NTNG1: variants seen among roughly 807,000 people sequenced by gnomAD.
The protein encoded by NTNG1 is netrin-G1.
In NTNG1, 16 loss-of-function variants were observed where a neutral mutation model predicts 54.0. The ratio of observed to expected loss-of-function variants is 0.30; its 90% CI spans 0.20 to 0.45. The LOEUF is 0.45. Ranked by LOEUF, NTNG1 falls within the 20% of genes least tolerant of loss-of-function variation. NTNG1 has a pLI of 1.00. For missense variants in NTNG1, 530 were observed against 678.7 expected, an observed-to-expected ratio of 0.78 and a Z score of 2.43; for synonymous variants, 255 against 263.1, an observed-to-expected ratio of 0.97 and a Z score of 0.30.
intron 3 of NTNG1, among the ~76,000 whole-genome samples, chr1:107,370,791 G>A (rs1364136552): frequency 6.6e-6 from 1 of 151,798 alleles, no homozygotes; most frequent in Non-Finnish European, 1.5e-5. Context: ...ATTTATTTCT[G>A]TATAGGTTTT....
chr1:107,390,453 G>A (rs1028558924), intron 3 of NTNG1, among the ~76,000 whole-genome samples: 7 of 151,946 alleles, frequency 4.6e-5, no homozygotes, highest in Non-Finnish European at 8.8e-5. Flanking sequence ...CTCTTGTTTT[G>A]GGTTTCAGTC....
intron 2 of NTNG1, among the ~76,000 whole-genome samples, chr1:107,284,471 G>T (rs112094081): frequency 3.3e-5 from 5 of 152,178 alleles, no homozygotes; most frequent in African/African-American, 1.2e-4. Flanking sequence ...GGTAAGAAAT[G>T]ATGTTTTATT....
At chr1:107,261,637 A>T (rs1396878927) in intron 2 of NTNG1, among the ~76,000 whole-genome samples, 1 of 152,150 alleles carries the variant, frequency 6.6e-6, no homozygotes, top group Admixed American at 6.5e-5. Context: ...AGGCCAGGAG[A>T]TCGAGACCAT....
intron 2 of NTNG1, among the ~76,000 whole-genome samples, chr1:107,186,260 C>T (rs1657452694): frequency 2.0e-5 from 3 of 152,148 alleles, no homozygotes; most frequent in Admixed American, 2.0e-4. Context: ...GCCACCCAGT[C>T]ATGCAAAACA....
intron 2 of NTNG1, among the ~76,000 whole-genome samples, chr1:107,254,475 C>G (rs559753370): frequency 1.2e-3 from 184 of 152,336 alleles, no homozygotes; most frequent in African/African-American, 4.3e-3. Context: ...TTGAGTCTGC[C>G]CTGGCAATGG....
intron 2 of NTNG1, among the ~76,000 whole-genome samples, chr1:107,158,083 A>G (rs1655133674): frequency 6.6e-6 from 1 of 152,144 alleles, no homozygotes; most frequent in Non-Finnish European, 1.5e-5. Flanking sequence ...ACTCTCAGGC[A>G]AAGCATCCTT....
chr1:107,218,458 G>C (rs529467456), intron 2 of NTNG1, among the ~76,000 whole-genome samples: 13 of 152,250 alleles, frequency 8.5e-5, no homozygotes, highest in African/African-American at 3.1e-4. Context: ...TTCAACGTTA[G>C]TGTTGAGATG....
chr1:107,336,271 C>T (rs1326845528), intron 3 of NTNG1, among the ~76,000 whole-genome samples: 1 of 150,218 alleles, frequency 6.7e-6, no homozygotes, highest in Non-Finnish European at 1.5e-5. Flanking sequence ...ACATACGAAC[C>T]AAAGAAATAG....
At chr1:107,141,329 C>T (rs2100987126) in intron 1 of NTNG1, 189 bp downstream of exon 1, 1 of 150,374 alleles carries the variant, frequency 6.7e-6, no homozygotes, top group East Asian at 2.0e-4. Flanking sequence ...CTGCCGCCCT[C>T]CGCCCGTACG....
intron 7 of NTNG1, among the ~76,000 whole-genome samples, chr1:107,439,529 A>G (rs1283989316): frequency 3.3e-5 from 5 of 152,166 alleles, no homozygotes; most frequent in Admixed American, 6.5e-5. Context: ...AGTAAAGAAA[A>G]GAATGGAATG....
chr1:107,189,073 C>T (rs1336185760), intron 2 of NTNG1, among the ~76,000 whole-genome samples: 1 of 151,776 alleles, frequency 6.6e-6, no homozygotes, highest in African/African-American at 2.4e-5. Flanking sequence ...GAATATAGGC[C>T]TAGCACCGTG....
At chr1:107,172,516 T>G (rs1656327846) in intron 2 of NTNG1, among the ~76,000 whole-genome samples, 1 of 152,184 alleles carries the variant, frequency 6.6e-6, no homozygotes, top group Non-Finnish European at 1.5e-5. Flanking sequence ...CAGTCTGGTT[T>G]CTGACTCCTT....
intron 7 of NTNG1, among the ~76,000 whole-genome samples, chr1:107,446,679 G>C (rs1294057256): frequency 1.3e-5 from 2 of 152,062 alleles, no homozygotes; most frequent in African/African-American, 4.8e-5. Flanking sequence ...GAACCCAAGA[G>C]ATTCTGGATT....
intron 2 of NTNG1, among the ~76,000 whole-genome samples, chr1:107,190,425 A>T (rs943861675): frequency 3.3e-5 from 5 of 152,044 alleles, no homozygotes; most frequent in African/African-American, 4.8e-5. Flanking sequence ...TCATTTTTTT[A>T]AAAATTTTAT....
At chr1:107,207,314 C>CACAG (rs1272577037) in intron 2 of NTNG1, among the ~76,000 whole-genome samples, 1 of 152,150 alleles carries the variant, frequency 6.6e-6, no homozygotes, top group Non-Finnish European at 1.5e-5. Context: ...CCTCCCATAA[C>CACAG]TGTGAAAAAC....
intron 3 of NTNG1, among the ~76,000 whole-genome samples, chr1:107,393,052 A>G (rs964305467): frequency 2.0e-5 from 3 of 152,204 alleles, no homozygotes; most frequent in Non-Finnish European, 2.9e-5. Flanking sequence ...TCCTTTTATT[A>G]TTCAAAGAAT....
intron 2 of NTNG1, among the ~76,000 whole-genome samples, chr1:107,155,977 A>G (rs7513890): frequency 0.091 from 13,881 of 152,200 alleles, 1,244 homozygotes; most frequent in African/African-American, 0.23. Context: ...CTTGTAGCCT[A>G]GGAGCAATAG....
At chr1:107,198,634 A>G (rs1658512849) in intron 2 of NTNG1, among the ~76,000 whole-genome samples, 2 of 151,822 alleles carry the variant, frequency 1.3e-5, no homozygotes. Context: ...AAGAACTTAG[A>G]ACTGGGGACT....
At chr1:107,463,586 G>T (rs756489767) in intron 7 of NTNG1, among the ~76,000 whole-genome samples, 5 of 150,162 alleles carry the variant, frequency 3.3e-5, no homozygotes, top group African/African-American at 9.8e-5. Flanking sequence ...ATTTAAAATA[G>T]AAAATGAATA....
Sources: gnomAD v4.1 joint callset for allele counts (sites outside exome capture counted in the v4.1 genomes callset) on GRCh38, gnomAD v4.1.1 for gene constraint, MANE v1.5 for transcripts, NCBI Gene and HGNC (gene_info 2026-07-23, HGNC 2026-07-21) for gene names.